Variants in IL1R1 observed in about 807,000 individuals in gnomAD.
IL1R1 encodes the protein interleukin-1 receptor type 1.
A neutral mutation model predicts 50.2 loss-of-function variants in IL1R1; 22 were observed. The ratio of observed to expected loss-of-function variants is 0.44; its 90% CI spans 0.31 to 0.63. The LOEUF (loss-of-function observed/expected upper bound fraction) is 0.63, where lower values mean the gene tolerates loss of function less well. Ranked by LOEUF, IL1R1 falls within the 20% of genes least tolerant of loss-of-function variation. IL1R1 has a pLI of 0.07. For synonymous variants in IL1R1, 251 were observed against 236.7 expected (o/e 1.06, Z -0.55); for missense variants, 509 against 676.2 (o/e 0.75, Z 2.74).
At chr2:102,099,618 C>T (rs1680054472), upstream of IL1R1, among the ~76,000 whole-genome samples, 1 of 152,128 alleles carries the variant, frequency 6.6e-6, no homozygotes, top group Non-Finnish European at 1.5e-5. Context: ...TCTCTGCATG[C>T]CATGACAAGA....
rs751311714 is a variant in IL1R1, at chr2:102,165,091, C to T, written c.297-24C>T. ...CAGAAATACTTTTAATAATGCTTAA[C>T]TTACCTATTTTATTTTATTTTAGAA... On this transcript the variant is annotated intron_variant, in intron 4 of 11. Transcript: ENST00000410023. 1.9e-6 allele frequency: 3 copies of T among 1,545,710 alleles called. No homozygotes were observed. In the East Asian group the frequency reaches 6.8e-5, roughly 35 times the overall value.
At chr2:102,143,413 T>C (rs1195527404) in intron 1 of IL1R1, among the ~76,000 whole-genome samples, 5 of 152,192 alleles carry the variant, frequency 3.3e-5, no homozygotes, top group African/African-American at 9.7e-5. Context: ...TTAACCACAC[T>C]GGGGAGGGTA....
At chr2:102,104,699 G>C (rs1020113113) in exon 1 of IL1R1, 2 of 152,198 alleles carry the variant, frequency 1.3e-5, no homozygotes, top group African/African-American at 4.8e-5. Context: ...GCACAGACCT[G>C]AATTAACAAC....
At chr2:102,155,660 AG>A (rs1205181970) in intron 2 of IL1R1, among the ~76,000 whole-genome samples, 1 of 152,142 alleles carries the variant, frequency 6.6e-6, no homozygotes, top group Admixed American at 6.5e-5. Flanking sequence ...CTGAGAGGAC[AG>A]GGCCACTCCC....
intron 1 of IL1R1, among the ~76,000 whole-genome samples, chr2:102,077,415 A>G (rs1158692009): frequency 6.6e-6 from 1 of 152,184 alleles, no homozygotes; most frequent in Admixed American, 6.5e-5. Flanking sequence ...TTGCCATAAT[A>G]CAATCTAATG....
intron 1 of IL1R1, among the ~76,000 whole-genome samples, chr2:102,151,355 C>G (rs1022313415): frequency 6.6e-6 from 1 of 152,168 alleles, no homozygotes; most frequent in Non-Finnish European, 1.5e-5. Flanking sequence ...TTATTCCATC[C>G]TTTCTCTTCT....
intron 1 of IL1R1, among the ~76,000 whole-genome samples, chr2:102,129,288 C>CAACAAT (rs1232972183): frequency 1.3e-5 from 2 of 151,944 alleles, no homozygotes; most frequent in African/African-American, 4.8e-5. Flanking sequence ...ACAACAACAA[C>CAACAAT]AACAACAAAA....
At chr2:102,100,870 G>C (rs1448282041), upstream of IL1R1, among the ~76,000 whole-genome samples, 1 of 152,180 alleles carries the variant, frequency 6.6e-6, no homozygotes, top group African/African-American at 2.4e-5. Context: ...GAGTCATGGG[G>C]ATGATACGAA....
At chr2:102,164,679 G>A (rs949809680) in intron 3 of IL1R1, 95 bp from the exon 4 acceptor site, 16 of 744,910 alleles carry the variant, frequency 2.1e-5, no homozygotes, top group Middle Eastern at 3.3e-4. Context: ...GTGAATTGAT[G>A]TATTTAATAA....
intron 1 of IL1R1, among the ~76,000 whole-genome samples, chr2:102,153,682 C>G (rs1434727741): frequency 6.6e-6 from 1 of 152,090 alleles, no homozygotes; most frequent in Admixed American, 6.6e-5. Context: ...TGGCACTTCC[C>G]CCCTTGCTCT....
upstream of IL1R1, among the ~76,000 whole-genome samples, chr2:102,103,012 A>G (rs1680210945): frequency 6.6e-6 from 1 of 152,142 alleles, no homozygotes; most frequent in Non-Finnish European, 1.5e-5. Context: ...GGAGTGTGGG[A>G]GGAGGGTGAG....
At chr2:102,086,804 A>T (rs1679450780) in intron 1 of IL1R1, among the ~76,000 whole-genome samples, 1 of 152,170 alleles carries the variant, frequency 6.6e-6, no homozygotes, top group Admixed American at 6.5e-5. Context: ...TTATTTAAAA[A>T]TTATTTGAAC....
chr2:102,154,881 C>T (rs871657), intron 2 of IL1R1, among the ~76,000 whole-genome samples: 33,913 of 152,036 alleles, frequency 0.22, 4,072 homozygotes, highest in African/African-American at 0.3. Flanking sequence ...GGTTTATGCT[C>T]CAGAACATGA....
intron 1 of IL1R1, among the ~76,000 whole-genome samples, chr2:102,095,682 A>C (rs1187968031): frequency 6.6e-6 from 1 of 152,232 alleles, no homozygotes; most frequent in Non-Finnish European, 1.5e-5. Context: ...TTATGTTTGC[A>C]TATAAAAAAT....
chr2:102,171,856 C>T lies in IL1R1; in HGVS notation c.777C>T (p.Tyr259=). The change falls in exon 8 of 12, where the codon TAC becomes TAT. Residue 259 remains tyrosine, a synonymous_variant. Coordinates refer to ENST00000410023, the MANE Select transcript of IL1R1 (RefSeq NM_000877.4). The part of the protein sequence containing the change: ...NVTGQLSDIA[Y]WKWNGSVIDE... ...CCGGCCAGTTGAGTGACATTGCTTA[C>T]TGGAAGTGGAATGGGTCAGTAATTG... 1 of 1,609,884 alleles carries T rather than the reference C, an allele frequency of 6.2e-7. No individual in the cohort carries two copies. Among genetic ancestry groups the T allele is most frequent in the Non-Finnish European group, 8.5e-7 (1 of 1,177,034 alleles).
chr2:102,078,463 A>G (rs1679069113), intron 1 of IL1R1, among the ~76,000 whole-genome samples: 1 of 151,984 alleles, frequency 6.6e-6, no homozygotes, highest in South Asian at 2.1e-4. Flanking sequence ...GAAAGGCACA[A>G]ATTCCTAGAA....
chr2:102,101,753 A>G (rs1333753882), upstream of IL1R1, among the ~76,000 whole-genome samples: 2 of 152,226 alleles, frequency 1.3e-5, no homozygotes, highest in Non-Finnish European at 2.9e-5. Context: ...TACTGATAAA[A>G]TTGTGTTAGA....
intron 1 of IL1R1, among the ~76,000 whole-genome samples, chr2:102,129,548 C>G (rs1195011962): frequency 6.6e-6 from 1 of 152,116 alleles, no homozygotes; most frequent in Admixed American, 6.6e-5. Flanking sequence ...ATTTGTACCC[C>G]CTAAAGGAGC....
rs1245589092 is a variant in IL1R1, at chr2:102,178,780, T to C, written c.*2021T>C. ...CCCTAGAGGCAAACATTTCTTAAAA[T>C]GTTTCATTTTCATTAAAAATGAAAG... On this transcript the variant is annotated 3_prime_UTR_variant, in exon 12 of 12. Transcript: ENST00000410023. 1 of 152,360 alleles carries C rather than the reference T, an allele frequency of 6.6e-6. No individual in the cohort carries two copies. The highest frequency in any genetic ancestry group is 6.5e-5 in the Admixed American group (1 of 15,286). 9.4% of individuals were successfully genotyped at this position (152,360 alleles called of 1,614,324 possible).
Sources: gnomAD v4.1 joint callset for allele counts (sites outside exome capture counted in the v4.1 genomes callset) on GRCh38, gnomAD v4.1.1 for gene constraint, MANE v1.5 for transcripts, NCBI Gene and HGNC (gene_info 2026-07-23, HGNC 2026-07-21) for gene names.